Variants in ITIH4 observed in about 807,000 individuals in gnomAD.
The protein encoded by ITIH4 is inter-alpha-trypsin inhibitor heavy chain 4.
ITIH4 carries 79 observed loss-of-function variants against 111.8 expected under a neutral mutation model. The observed-to-expected ratio is 0.71, with a 90% CI of 0.59 to 0.85. The LOEUF (loss-of-function observed/expected upper bound fraction) is 0.85, where lower values mean the gene tolerates loss of function less well. Among genes scored for constraint, ITIH4 ranks in the 40% least tolerant of loss-of-function variants. The pLI, the probability that ITIH4 is intolerant of heterozygous loss-of-function variation, is 0.00. For synonymous variants in ITIH4, 472 were observed against 468.3 expected, an observed-to-expected ratio of 1.01 and a Z score of -0.10; for missense variants, 1,065 against 1,195.8, an observed-to-expected ratio of 0.89 and a Z score of 1.61.
At chr3:52,814,473 G>A (rs1372212600) in intron 21 of ITIH4, 110 bp from the exon 22 acceptor site, 1 of 943,330 alleles carries the variant, frequency 1.1e-6, no homozygotes, top group Non-Finnish European at 1.6e-6. Flanking sequence ...GGAAGTCACG[G>A]AGTGGCCTTG....
intron 11 of ITIH4, 151 bp downstream of exon 11, chr3:52,823,405 G>T: frequency 1.6e-6 from 1 of 643,972 alleles, no homozygotes; most frequent in Non-Finnish European, 2.7e-6. Flanking sequence ...TCACTCCATT[G>T]TCTCATTGAA....
At position 52,826,601 on chromosome 3, in the gene ITIH4, C is replaced by T; in HGVS notation, c.570G>A (p.Glu190=). The T allele has an allele frequency of 6.2e-7, 1 of 1,614,086 alleles. No homozygotes were observed. The highest frequency in any genetic ancestry group is 8.5e-7 in the Non-Finnish European group (1 of 1,179,996). ...EPQGISFLET[E]STFMTNQLVD... is the part of the protein sequence containing the mutation. Reference sequence around the variant, plus strand: ...CCAGCTGGTTGGTCATGAAGGTGCTCTCTGTCTCCAGAAAGCTGATGCCCT... The same window carrying T: ...CCAGCTGGTTGGTCATGAAGGTGCTTTCTGTCTCCAGAAAGCTGATGCCCT... Residue 190 remains glutamate, a synonymous_variant, in exon 5 of 24, where the codon GAG becomes GAA. Coordinates refer to ENST00000266041, the MANE Select transcript of ITIH4 (RefSeq NM_002218.5).
At chr3:52,829,416 C>T (rs1700534405) in intron 1 of ITIH4, 137 bp from the exon 2 acceptor site, 1 of 892,452 alleles carries the variant, frequency 1.1e-6, no homozygotes, top group Admixed American at 2.5e-5. Flanking sequence ...CTGACCAGGC[C>T]TCAGGCTGAA....
At position 52,824,241 on chromosome 3, in the gene ITIH4, C is replaced by T. The variant is rs147563935; in HGVS notation, c.1120G>A (p.Glu374Lys). 39 of 1,613,330 alleles carry T rather than the reference C, an allele frequency of 2.4e-5. No individual in the cohort carries two copies. Among genetic ancestry groups the T allele is most frequent in the South Asian group, 4.4e-5 (4 of 91,076 alleles). Residue 374 changes from glutamate (E) to lysine (K), a missense_variant, in exon 9 of 24, where the codon GAA (glutamate) becomes AAA (lysine). Glu to Lys is a moderately conservative substitution (Grantham distance 56). Transcript: ENST00000266041. The surrounding 1 kb of genome is among the most constrained non-coding windows in gnomAD (Gnocchi z 4.3). ...AGGATGATGAGTGAGACACTCCCTT[C>T]GGGCAGCCGCTCCTCCTGGTTGCTG... The part of the protein sequence containing the change: ...DSSNQEERLP[E>K]GSVSLIILLT...
At chr3:52,818,565 G>C (rs1372802886) in intron 17 of ITIH4, 29 bp from the exon 18 acceptor site, 2 of 1,577,022 alleles carry the variant, frequency 1.3e-6, no homozygotes. Flanking sequence ...GAAACAGAAA[G>C]GGAGCAGGAA....
intron 5 of ITIH4, 96 bp from the exon 6 acceptor site, chr3:52,826,110 A>G: frequency 2.0e-6 from 3 of 1,525,558 alleles, no homozygotes; most frequent in South Asian, 2.5e-5. Flanking sequence ...TCAGAATTCC[A>G]GGATGCAGCC....
Position 52,819,257 on chromosome 3 carries a change from T to C in ITIH4, c.2077+136A>G, listed in dbSNP as rs529949100. On this transcript the variant is annotated intron_variant, in intron 17 of 23. Coordinates refer to ENST00000266041, the MANE Select transcript of ITIH4 (RefSeq NM_002218.5). Reference sequence around the variant, plus strand: ...ATCCCAGGTTGAACTGACCCACAATTACTTCACATCGTGCCCTCAGCAGCC... The same window carrying C: ...ATCCCAGGTTGAACTGACCCACAATCACTTCACATCGTGCCCTCAGCAGCC... The C allele has an allele frequency of 5.7e-5, 54 of 945,570 alleles. 2 individuals carry two copies. In the South Asian group the frequency reaches 8.7e-4, roughly 15 times the overall value. 58.6% of individuals were successfully genotyped at this position (945,570 alleles called of 1,614,324 possible).
chr3:52,825,778 C>A, intron 6 of ITIH4, 108 bp downstream of exon 6: 1 of 1,268,548 alleles, frequency 7.9e-7, no homozygotes, highest in Non-Finnish European at 1.1e-6. Context: ...CCCTGGTGCA[C>A]ACTGCTAAGT....
Position 52,824,254 on chromosome 3 carries a change from C to CTCCTGGTTGCTGCTG in ITIH4, c.1092_1106dup (p.Asp364_Gln368dup), listed in dbSNP as rs766985554. On this transcript the variant is annotated inframe_insertion, in exon 9 of 24. Coordinates refer to ENST00000266041, the MANE Select transcript of ITIH4 (RefSeq NM_002218.5). This position sits in a 1 kb window ranked among gnomAD's most constrained non-coding sequence, Gnocchi z 4.3. The stretch of plus-strand genomic sequence containing the variant: ...AGACACTCCCTTCGGGCAGCCGCTC[C>CTCCTGGTTGCTGCTG]TCCTGGTTGCTGCTGTCCAGCAACT... 3.1e-6 allele frequency: 5 copies of CTCCTGGTTGCTGCTG among 1,613,618 alleles called. No homozygotes were observed. The highest frequency in any genetic ancestry group is 4.2e-6 in the Non-Finnish European group (5 of 1,180,010).
In ITIH4 at chr3:52,813,497, T is replaced by C. The variant is rs1450680148; in HGVS notation, c.2724-7A>G. 6.2e-7 allele frequency: 1 copy of C among 1,613,396 alleles called. No individual in the cohort carries two copies. Among genetic ancestry groups the C allele is most frequent in the African/African-American group, 1.3e-5 (1 of 74,834 alleles). Reference sequence around the variant, plus strand: ...GTAATCCAGCCTGCGCTCTCTGAAATGGAAAGACAGACAGATAGGCAGGTG... The same window carrying C: ...GTAATCCAGCCTGCGCTCTCTGAAACGGAAAGACAGACAGATAGGCAGGTG... On this transcript the variant is annotated splice_region_variant and splice_polypyrimidine_tract_variant and intron_variant, in intron 23 of 23. Transcript: ENST00000266041.
At chr3:52,816,792 G>C in intron 21 of ITIH4, 92 bp downstream of exon 21, 1 of 1,235,728 alleles carries the variant, frequency 8.1e-7, no homozygotes, top group Non-Finnish European at 1.2e-6. Context: ...TCCATTCTCA[G>C]GTCCATGGCC....
At position 52,826,826 on chromosome 3, in the gene ITIH4, T is replaced by C. The variant is rs780106794; in HGVS notation, c.484A>G (p.Lys162Glu). 5.0e-6 allele frequency: 8 copies of C among 1,613,706 alleles called. No individual in the cohort carries two copies. The highest frequency in any genetic ancestry group is 6.8e-6 in the Non-Finnish European group (8 of 1,180,030). Residue 162 changes from lysine to glutamate, a missense_variant, in exon 4 of 24, where the codon AAA (lysine) becomes GAA (glutamate). Transcript: ENST00000266041. ...TTGACCAGCTGCTGGGGCCGCACTT[T>C]CAGCAGCAGCTCGTACACCCCCAAA... ...RRLGVYELLL[K>E]VRPQQLVKHL...
intron 2 of ITIH4, among the ~76,000 whole-genome samples, chr3:52,828,268 G>A (rs954663801): frequency 6.6e-6 from 1 of 152,222 alleles, no homozygotes; most frequent in Non-Finnish European, 1.5e-5. Context: ...CACCCATGTC[G>A]AAGGCTGACA....
rs774903686 is a variant in ITIH4 at position 52,814,411 on chromosome 3, C to T, written c.2472-48G>A. The T allele has an allele frequency of 1.5e-5, 24 of 1,553,784 alleles. 1 individual carries two copies. The South Asian group carries it at 2.5e-4, about 16-fold the overall frequency. On this transcript the variant is annotated intron_variant, in intron 21 of 23. Transcript: ENST00000266041. The stretch of plus-strand genomic sequence containing the variant: ...GAGCAGGAAGGTAGAGACGTGTGCA[C>T]AGAACCTCAGTAGTCAGGGTGGGGA...
chr3:52,824,025 T>C lies in ITIH4; in HGVS notation c.1172-21A>G. 6.5e-7 allele frequency: 1 copy of C among 1,544,738 alleles called. No homozygotes were observed. ...CTCCCCTGGACCCAGGGGTTTGGGA[T>C]GAGGGTGAGAAAATAGTGATTTGCT... is the stretch of plus-strand genomic sequence containing the variant. On this transcript the variant is annotated intron_variant, in intron 9 of 23. Coordinates refer to ENST00000266041, the MANE Select transcript of ITIH4 (RefSeq NM_002218.5). The surrounding 1 kb of genome is among the most constrained non-coding windows in gnomAD (Gnocchi z 4.3).
rs1478716422 is a variant in ITIH4 at position 52,818,593 on chromosome 3, C to A, written c.2078-57G>T. Reference sequence around the variant, plus strand: ...AGCAGGAAGGCAGTCAGGAGGCGGGCAACCAGCAGCGCTGCCACCAAGCTC... The same window carrying A: ...AGCAGGAAGGCAGTCAGGAGGCGGGAAACCAGCAGCGCTGCCACCAAGCTC... On this transcript the variant is annotated intron_variant, in intron 17 of 23. Coordinates refer to ENST00000266041, the MANE Select transcript of ITIH4 (RefSeq NM_002218.5). The A allele has an allele frequency of 1.7e-5, 24 of 1,444,466 alleles. 1 individual carries two copies. Among genetic ancestry groups the A allele is most frequent in the Non-Finnish European group, 2.0e-5 (21 of 1,049,042 alleles). 89.5% of individuals were successfully genotyped at this position (1,444,466 alleles called of 1,614,324 possible). A position where few individuals can be genotyped will look rare whatever the true frequency, so the allele number is the denominator to read the frequency against.
rs760107548 is a variant in ITIH4, at chr3:52,830,438, A to ACACAGGGATGCACACG, written c.90+99_90+114dup. 1.8e-5 allele frequency: 18 copies of ACACAGGGATGCACACG among 1,023,916 alleles called. No individual in the cohort carries two copies. The South Asian group carries it at 2.2e-4, about 12-fold the overall frequency. 63.4% of individuals were successfully genotyped at this position (1,023,916 alleles called of 1,614,324 possible). ...GGAGGTCTGCACCATTTTTTTGCAC[A>ACACAGGGATGCACACG]CACAGGGATGCACACGCACTTGTGC... On this transcript the variant is annotated intron_variant, in intron 1 of 23. Transcript: ENST00000266041.
At chr3:52,826,124 G>GAATACGGACCCAAGGCT in intron 5 of ITIH4, 110 bp from the exon 6 acceptor site, 2 of 1,459,244 alleles carry the variant, frequency 1.4e-6, no homozygotes, top group Non-Finnish European at 9.3e-7. Context: ...TGCAGCCTTG[G>GAATACGGACCCAAGGCT]GTCCGTATTC....
chr3:52,817,629 C>T (rs1302181814), intron 20 of ITIH4, among the ~76,000 whole-genome samples: 1 of 152,208 alleles, frequency 6.6e-6, no homozygotes, highest in African/African-American at 2.4e-5. Context: ...CCATTCCCCT[C>T]ATCCACACCT....
Sources: allele counts gnomAD v4.1 joint callset (sites outside exome capture counted in the v4.1 genomes callset), GRCh38; gene constraint gnomAD v4.1.1; non-coding constraint Gnocchi (gnomAD v3.1); transcripts MANE v1.5; gene names NCBI Gene and HGNC (gene_info 2026-07-23, HGNC 2026-07-21).